GLT1D1: variants seen among roughly 807,000 people sequenced by gnomAD.
The protein encoded by GLT1D1 is glycosyltransferase 1 domain containing 1, also known as glycosyltransferase 1 domain-containing protein 1.
Under a neutral mutation model 28.7 loss-of-function variants are expected in GLT1D1, and 21 were observed. That is an observed-to-expected ratio of 0.73 (90% CI 0.52 to 1.05). The LOEUF is 1.05. Ranked by LOEUF, GLT1D1 falls within the 50% of genes least tolerant of loss-of-function variation. GLT1D1 has a pLI of 0.00. For missense variants in GLT1D1, 343 were observed against 330.6 expected (o/e 1.04, Z -0.29); for synonymous variants, 147 against 124.8 (o/e 1.18, Z -1.19).
At chr12:128,873,388 G>T (rs762914172) in intron 1 of GLT1D1, among the ~76,000 whole-genome samples, 1 of 152,204 alleles carries the variant, frequency 6.6e-6, no homozygotes, top group Non-Finnish European at 1.5e-5. Flanking sequence ...AAAAGAACAT[G>T]ATTAGGTCCA....
At chr12:128,891,192 A>G (rs749432404) in intron 3 of GLT1D1, among the ~76,000 whole-genome samples, 9 of 152,150 alleles carry the variant, frequency 5.9e-5, no homozygotes, top group African/African-American at 9.6e-5. Context: ...TGATCATATG[A>G]AAATTGTGAA....
chr12:128,881,137 T>A (rs1957023903), intron 2 of GLT1D1, among the ~76,000 whole-genome samples: 1 of 138,864 alleles, frequency 7.2e-6, no homozygotes, highest in South Asian at 2.3e-4. Context: ...GGAAGGCGAG[T>A]GGCGTGAACC....
intron 2 of GLT1D1, among the ~76,000 whole-genome samples, chr12:128,886,693 T>A (rs1868425401): frequency 6.6e-6 from 1 of 152,010 alleles, no homozygotes; most frequent in Non-Finnish European, 1.5e-5. Flanking sequence ...TAACGACCCC[T>A]GTGGTTATGT....
rs1184473096 is a variant in GLT1D1 at position 128,984,590 on chromosome 12, A to AC, written c.*1504dup. ...CCATCGCCGCCCCCCCACCCCTCGC[A>AC]CCCCTTGTGTTTTCCCTCTGAGGGG... On this transcript the variant is annotated 3_prime_UTR_variant, in exon 8 of 8. Coordinates refer to ENST00000281703, the MANE Select transcript of GLT1D1 (RefSeq NM_144669.3). 6.7e-6 allele frequency: 1 copy of AC among 149,578 alleles called. No homozygotes were observed. The highest frequency in any genetic ancestry group is 1.5e-5 in the Non-Finnish European group (1 of 67,442). 9.3% of individuals were successfully genotyped at this position (149,578 alleles called of 1,614,324 possible).
At chr12:128,880,031 C>T (rs896838931) in intron 2 of GLT1D1, among the ~76,000 whole-genome samples, 1 of 152,146 alleles carries the variant, frequency 6.6e-6, no homozygotes, top group Non-Finnish European at 1.5e-5. Context: ...AATATAAATT[C>T]CTAGGAAAGC....
chr12:128,926,441 G>C (rs763026385), intron 4 of GLT1D1: 5 of 1,520,266 alleles, frequency 3.3e-6, no homozygotes, highest in Non-Finnish European at 4.4e-6. Flanking sequence ...TCTATCTGGT[G>C]GACGCATTTT....
At chr12:128,959,416 G>GGTT (rs1877672183) in intron 7 of GLT1D1, among the ~76,000 whole-genome samples, 2 of 89,576 alleles carry the variant, frequency 2.2e-5, no homozygotes, top group East Asian at 1.1e-3. Flanking sequence ...GGCAGTGGGG[G>GGTT]GGGACGGGTG....
chr12:128,956,489 A>G (rs80245662), intron 6 of GLT1D1, among the ~76,000 whole-genome samples: 203 of 152,322 alleles, frequency 1.3e-3, no homozygotes, highest in South Asian at 9.7e-3. Flanking sequence ...TCGAATCATT[A>G]TAAGTCAGAG....
chr12:128,922,210 T>C, intron 4 of GLT1D1, among the ~76,000 whole-genome samples: 1 of 151,926 alleles, frequency 6.6e-6, no homozygotes, highest in East Asian at 1.9e-4. Flanking sequence ...ACCAGCTATG[T>C]GTGCTGGGCT....
intron 1 of GLT1D1, among the ~76,000 whole-genome samples, chr12:128,874,064 CTT>C (rs1175949407): frequency 0.083 from 2,197 of 26,510 alleles, 162 homozygotes; most frequent in Middle Eastern, 0.2. Context: ...TCCCTCCTTT[CTT>C]TCTTTCTTTC....
intron 2 of GLT1D1, among the ~76,000 whole-genome samples, chr12:128,880,403 CT>C (rs1398561172): frequency 1.3e-5 from 2 of 152,154 alleles, no homozygotes; most frequent in African/African-American, 4.8e-5. Flanking sequence ...TGTGGTTAAA[CT>C]TTTACTTGTT....
intron 4 of GLT1D1, among the ~76,000 whole-genome samples, chr12:128,922,887 C>T (rs1306330215): frequency 7.2e-6 from 1 of 138,032 alleles, no homozygotes; most frequent in Non-Finnish European, 1.5e-5. Flanking sequence ...CGCACCACTG[C>T]ACTCCAGCCT....
rs554296091 is a variant in GLT1D1, at chr12:128,957,234, C to G, written c.541-311C>G. Among the ~76,000 whole-genome samples, 5 of 152,114 alleles carry G rather than the reference C, an allele frequency of 3.3e-5. No individual in the cohort carries two copies. The East Asian group carries it at 5.8e-4, about 18-fold the overall frequency. ...ATTAAAAATGCATGCTCCATGCGGT[C>G]GGTCGGTGAAGAGGTGTCAAATGAG... On this transcript the variant is annotated intron_variant, in intron 6 of 7. Transcript: ENST00000281703.
chr12:128,864,039 G>A, intron 1 of GLT1D1: 1 of 503,810 alleles, frequency 2.0e-6, no homozygotes, highest in South Asian at 3.0e-5. Flanking sequence ...AGAGCACTAG[G>A]GGGACTTCCA....
chr12:128,887,396 T>C (rs1478289568), intron 2 of GLT1D1, among the ~76,000 whole-genome samples: 1 of 152,152 alleles, frequency 6.6e-6, no homozygotes. Context: ...ACAGATGCTC[T>C]GTGCATATAG....
At chr12:128,931,913 G>GCACACACA (rs139121648) in intron 4 of GLT1D1, among the ~76,000 whole-genome samples, 53,964 of 126,880 alleles carry the variant, frequency 0.43, 10,248 homozygotes, top group East Asian at 0.7. Flanking sequence ...GCACACACAC[G>GCACACACA]CACGCACACA....
Position 128,983,346 on chromosome 12 carries a change from G to C in GLT1D1, c.*256G>C. On this transcript the variant is annotated 3_prime_UTR_variant, in exon 8 of 8. Coordinates refer to ENST00000281703, the MANE Select transcript of GLT1D1 (RefSeq NM_144669.3). This position sits in a 1 kb window ranked among gnomAD's most constrained non-coding sequence, Gnocchi z 4.7. ...TGAGTGACTGGGTTGACTGGGACAG[G>C]GAAAGGGGAACTGGTTTTCAGGGAA... is the stretch of plus-strand genomic sequence containing the variant. 1 of 430,208 alleles carries C rather than the reference G, an allele frequency of 2.3e-6. No individual in the cohort carries two copies. Among genetic ancestry groups the C allele is most frequent in the Non-Finnish European group, 4.2e-6 (1 of 239,336 alleles). 26.6% of individuals were successfully genotyped at this position (430,208 alleles called of 1,614,324 possible). A position where few individuals can be genotyped will look rare whatever the true frequency, so the allele number is the denominator to read the frequency against.
At chr12:128,945,246 T>C (rs991199158) in intron 4 of GLT1D1, 80 bp from the exon 9 acceptor site, 4 of 1,434,536 alleles carry the variant, frequency 2.8e-6, no homozygotes, top group Non-Finnish European at 3.9e-6. Flanking sequence ...GCACCAGGGC[T>C]TTGGCCTGGC....
intron 4 of GLT1D1, among the ~76,000 whole-genome samples, chr12:128,912,717 C>A (rs1021569721): frequency 1.3e-5 from 2 of 151,642 alleles, no homozygotes; most frequent in Non-Finnish European, 2.9e-5. Flanking sequence ...GGCTGGAGTG[C>A]GGTTGTGCGA....
Sources: allele counts gnomAD v4.1 joint callset (sites outside exome capture counted in the v4.1 genomes callset), GRCh38; gene constraint gnomAD v4.1.1; non-coding constraint Gnocchi (gnomAD v3.1); transcripts MANE v1.5; gene names NCBI Gene and HGNC (gene_info 2026-07-23, HGNC 2026-07-21).